NRP2: variants seen among roughly 807,000 people sequenced by gnomAD.
NRP2 encodes the protein neuropilin 2.
Under a neutral mutation model 110.4 loss-of-function variants are expected in NRP2, and 52 were observed. That is an observed-to-expected ratio of 0.47 (90% CI 0.38 to 0.59). The LOEUF (loss-of-function observed/expected upper bound fraction) is 0.59, where lower values mean the gene tolerates loss of function less well. Among genes scored for constraint, NRP2 ranks in the 20% least tolerant of loss-of-function variants. The pLI, the probability that NRP2 is intolerant of heterozygous loss-of-function variation, is 0.00. For synonymous variants in NRP2, 508 were observed against 468.9 expected, an observed-to-expected ratio of 1.08 and a Z score of -1.08; for missense variants, 1,049 against 1,203.0, an observed-to-expected ratio of 0.87 and a Z score of 1.89.
chr2:205,746,406 C>T lies in NRP2; in HGVS notation c.1786+516C>T, dbSNP rs554690396. Among the ~76,000 whole-genome samples the T allele has an allele frequency of 2.0e-5, 3 of 152,364 alleles. No individual in the cohort carries two copies. The South Asian group carries it at 6.2e-4, about 32-fold the overall frequency. ...CAGGACTCCTTCTCATTGTCCTGCT[C>T]ATTCCTGCCAGGTGGCCCAGGCCTT... On this transcript the variant is annotated intron_variant, in intron 10 of 16. Transcript: ENST00000357785.
chr2:205,722,474 A>C lies in NRP2; in HGVS notation c.434-4A>C. 11 of 1,611,222 alleles carry C rather than the reference A, an allele frequency of 6.8e-6. No individual in the cohort carries two copies. Among genetic ancestry groups the C allele is most frequent in the Non-Finnish European group, 9.3e-6 (11 of 1,177,280 alleles). On this transcript the variant is annotated splice_polypyrimidine_tract_variant and splice_region_variant and intron_variant, in intron 3 of 16. Coordinates refer to ENST00000357785, the MANE Select transcript of NRP2 (RefSeq NM_003872.3). ...TTAGTGCTACAGTTCTCTTTTACAT[A>C]CAGGCTCTGAAGATTGCTCAAAAAA...
At chr2:205,717,739 T>C (rs2056928904) in intron 3 of NRP2, among the ~76,000 whole-genome samples, 1 of 152,210 alleles carries the variant, frequency 6.6e-6, no homozygotes, top group Admixed American at 6.5e-5. Context: ...CTGAGTCTTG[T>C]GCAAAATTCA....
At chr2:205,695,179 T>C (rs1386443738) in intron 1 of NRP2, among the ~76,000 whole-genome samples, 1 of 152,218 alleles carries the variant, frequency 6.6e-6, no homozygotes, top group Non-Finnish European at 1.5e-5. Context: ...ATAACTGCCC[T>C]GATTTTCTCC....
chr2:205,715,942 C>A (rs979680293), intron 2 of NRP2, among the ~76,000 whole-genome samples: 3 of 152,204 alleles, frequency 2.0e-5, no homozygotes, highest in Non-Finnish European at 4.4e-5. Flanking sequence ...GAACGATGCT[C>A]CTGCTCTTAC....
Position 205,794,736 on chromosome 2 carries a change from G to T in NRP2, c.2477-18G>T, listed in dbSNP as rs2058336332. On this transcript the variant is annotated intron_variant, in intron 16 of 16. Transcript: ENST00000357785. Reference sequence around the variant, plus strand: ...ATAGGCAGTGCCTGCAATCTCTCATGAATTTTATGTATCGCAGATGAATAC... The same window carrying T: ...ATAGGCAGTGCCTGCAATCTCTCATTAATTTTATGTATCGCAGATGAATAC... 1 of 1,613,740 alleles carries T rather than the reference G, an allele frequency of 6.2e-7. No individual in the cohort carries two copies. Among genetic ancestry groups the T allele is most frequent in the Non-Finnish European group, 8.5e-7 (1 of 1,179,826 alleles).
chr2:205,770,349 G>A (rs1208969295), intron 15 of NRP2, among the ~76,000 whole-genome samples: 1 of 152,186 alleles, frequency 6.6e-6, no homozygotes, highest in Non-Finnish European at 1.5e-5. Flanking sequence ...ATCCACAGCT[G>A]TCTCTTGGGC....
chr2:205,686,841 TCAGA>T lies in NRP2; in HGVS notation c.73+3483_73+3486del, dbSNP rs1310195095. Among the ~76,000 whole-genome samples the T allele has an allele frequency of 1.3e-5, 2 of 152,204 alleles. No individual in the cohort carries two copies. Among genetic ancestry groups the T allele is most frequent in the Non-Finnish European group, 2.9e-5 (2 of 68,032 alleles). ...CCCTCCACTTCCTGTTCTTTCGGTT[TCAGA>T]CAGAGAGGAGAGCCCCCTGGCGCTA... On this transcript the variant is annotated intron_variant, in intron 1 of 16. Coordinates refer to ENST00000357785, the MANE Select transcript of NRP2 (RefSeq NM_003872.3). The surrounding 1 kb of genome is among the most constrained non-coding windows in gnomAD (Gnocchi z 4.7).
Position 205,739,256 on chromosome 2 carries a change from A to G in NRP2, c.1147-1263A>G, listed in dbSNP as rs115730631. Among the ~76,000 whole-genome samples, 426 of 152,244 alleles carry G rather than the reference A, an allele frequency of 2.8e-3. 1 individual carries two copies. Among genetic ancestry groups the G allele is most frequent in the African/African-American group, 9.9e-3 (411 of 41,542 alleles). ...GAAACTACAAGCTTAAAACCTAAAAACTTGGCAAGGATGTTGGATCCAGAC... is the reference window on the plus strand; with the variant it reads ...GAAACTACAAGCTTAAAACCTAAAAGCTTGGCAAGGATGTTGGATCCAGAC... On this transcript the variant is annotated intron_variant, in intron 7 of 16. Coordinates refer to ENST00000357785, the MANE Select transcript of NRP2 (RefSeq NM_003872.3).
At chr2:205,774,758 G>T (rs574725396) in intron 15 of NRP2, among the ~76,000 whole-genome samples, 1 of 152,180 alleles carries the variant, frequency 6.6e-6, no homozygotes, top group Non-Finnish European at 1.5e-5. Context: ...TGATGTTCAG[G>T]CTGCAGGAAT....
At chr2:205,764,042 T>G (rs1205485636) in intron 13 of NRP2, 106 bp downstream of exon 13, 12 of 1,406,858 alleles carry the variant, frequency 8.5e-6, no homozygotes, top group African/African-American at 1.4e-5. Context: ...TTTCATTGTG[T>G]TTCTCACGTT....
chr2:205,707,921 G>A (rs374386012), intron 2 of NRP2, among the ~76,000 whole-genome samples: 17 of 152,152 alleles, frequency 1.1e-4, no homozygotes, highest in South Asian at 4.1e-4. Flanking sequence ...CAGCCCCACC[G>A]GGCACAAAGG....
intron 7 of NRP2, among the ~76,000 whole-genome samples, chr2:205,733,209 C>A (rs1358883248): frequency 6.6e-6 from 1 of 152,194 alleles, no homozygotes; most frequent in African/African-American, 2.4e-5. Flanking sequence ...GAAGCTTGAA[C>A]CTTTTCTCTA....
intron 2 of NRP2, among the ~76,000 whole-genome samples, chr2:205,701,713 G>A (rs192441926): frequency 7.4e-4 from 112 of 152,230 alleles, no homozygotes; most frequent in African/African-American, 2.4e-3. Flanking sequence ...CATATACCAC[G>A]TATCATTGAA....
At chr2:205,771,783 G>A (rs909320012) in intron 15 of NRP2, among the ~76,000 whole-genome samples, 2 of 152,234 alleles carry the variant, frequency 1.3e-5, no homozygotes, top group African/African-American at 4.8e-5. Context: ...GTAAAGGCCA[G>A]ATAGTAAATA....
chr2:205,702,719 G>A (rs2056586895), intron 2 of NRP2, among the ~76,000 whole-genome samples: 1 of 152,136 alleles, frequency 6.6e-6, no homozygotes, highest in African/African-American at 2.4e-5. Flanking sequence ...TTAGTCATCT[G>A]GCCCCTCCCC....
At chr2:205,776,359 T>TCGCGCTGGCCC in intron 15 of NRP2, 1 of 1,613,274 alleles carries the variant, frequency 6.2e-7, no homozygotes, top group East Asian at 2.2e-5. Context: ...GGTGCTGGTC[T>TCGCGCTGGCCC]CCGTCGCGCT....
chr2:205,732,511 A>T (rs2057259432), intron 7 of NRP2, among the ~76,000 whole-genome samples: 1 of 152,222 alleles, frequency 6.6e-6, no homozygotes, highest in South Asian at 2.1e-4. Flanking sequence ...TAGTGGCTGC[A>T]CGCCTCAGCG....
At chr2:205,770,518 T>A (rs1247209157) in intron 15 of NRP2, among the ~76,000 whole-genome samples, 1 of 152,048 alleles carries the variant, frequency 6.6e-6, no homozygotes, top group Non-Finnish European at 1.5e-5. Flanking sequence ...ACCCTCACCC[T>A]CTATTGCCTG....
chr2:205,748,535 A>G (rs1389386308), intron 10 of NRP2, among the ~76,000 whole-genome samples: 1 of 152,224 alleles, frequency 6.6e-6, no homozygotes, highest in East Asian at 1.9e-4. Flanking sequence ...ATGAAAGGTT[A>G]TGTGCGTAGT....
Sources: allele counts gnomAD v4.1 joint callset (sites outside exome capture counted in the v4.1 genomes callset), GRCh38; gene constraint gnomAD v4.1.1; non-coding constraint Gnocchi (gnomAD v3.1); transcripts MANE v1.5; gene names NCBI Gene and HGNC (gene_info 2026-07-23, HGNC 2026-07-21).